PRPF4: variants seen among roughly 807,000 people sequenced by gnomAD.
PRPF4 encodes pre-mRNA splicing tri-snRNP complex factor PRPF4.
A neutral mutation model predicts 72.2 loss-of-function variants in PRPF4; 14 were observed. The ratio of observed to expected loss-of-function variants is 0.19; its 90% CI spans 0.13 to 0.30. The LOEUF (loss-of-function observed/expected upper bound fraction) is 0.30, where lower values mean the gene tolerates loss of function less well. Ranked by LOEUF, PRPF4 falls within the 10% of genes least tolerant of loss-of-function variation. The pLI is 1.00. For synonymous variants in PRPF4, 225 were observed against 232.2 expected (o/e 0.97, Z 0.28); for missense variants, 478 against 653.9 (o/e 0.73, Z 2.93).
chr9:113,276,907 C>T (rs555819591), intron 2 of PRPF4, among the ~76,000 whole-genome samples, 182 bp downstream of exon 2: 21 of 151,778 alleles, frequency 1.4e-4, no homozygotes, highest in African/African-American at 5.1e-4. Flanking sequence ...CTCCGCCTCC[C>T]GGGTTCAAGC....
At position 113,286,868 on chromosome 9, in the gene PRPF4, A is replaced by G. The variant is rs754333190; in HGVS notation, c.932+40A>G. 9 of 1,612,736 alleles carry G rather than the reference A, an allele frequency of 5.6e-6. No homozygotes were observed. The South Asian group carries it at 9.9e-5, about 18-fold the overall frequency. ...TCTGTGGCCCATACTGCCATCACTAAAGTAGATGTTTGATTGGTTGGTCCC... is the reference window on the plus strand; with the variant it reads ...TCTGTGGCCCATACTGCCATCACTAGAGTAGATGTTTGATTGGTTGGTCCC... On this transcript the variant is annotated intron_variant, in intron 9 of 13. Coordinates refer to ENST00000374198, the MANE Select transcript of PRPF4 (RefSeq NM_001244926.2).
chr9:113,283,043 C>G, intron 4 of PRPF4, 89 bp from the exon 5 acceptor site: 5 of 1,590,364 alleles, frequency 3.1e-6, no homozygotes, highest in Non-Finnish European at 4.3e-6. Flanking sequence ...ATTCACCTTC[C>G]TTCTGGGCAG....
chr9:113,288,889 T>C (rs1437626950), intron 10 of PRPF4, among the ~76,000 whole-genome samples: 1 of 152,238 alleles, frequency 6.6e-6, no homozygotes, highest in Non-Finnish European at 1.5e-5. Context: ...AGAGAACTTT[T>C]CCATTAAGTT....
At chr9:113,282,933 G>A (rs1832325274) in intron 4 of PRPF4, 199 bp from the exon 5 acceptor site, 1 of 1,147,318 alleles carries the variant, frequency 8.7e-7, no homozygotes, top group Non-Finnish European at 1.2e-6. Flanking sequence ...TTCCAGTCAG[G>A]AAAGAATCAT....
chr9:113,276,885 G>T (rs1215360523), intron 2 of PRPF4, among the ~76,000 whole-genome samples, 160 bp downstream of exon 2: 1 of 151,862 alleles, frequency 6.6e-6, no homozygotes, highest in Non-Finnish European at 1.5e-5. Context: ...TGCGATCTTG[G>T]CTCACTGCAA....
At position 113,291,606 on chromosome 9, in the gene PRPF4, G is replaced by T; in HGVS notation, c.1512G>T (p.Gln504His). The T allele has an allele frequency of 6.2e-7, 1 of 1,614,202 alleles. No homozygotes were observed. Among genetic ancestry groups the T allele is most frequent in the Non-Finnish European group, 8.5e-7 (1 of 1,180,046 alleles). Residue 504 changes from glutamine to histidine, a missense_variant, in exon 14 of 14, where the codon CAG (glutamine) becomes CAT (histidine). Transcript: ENST00000374198. ...VMGLDISSDG[Q>H]LIATCSYDRT... The stretch of plus-strand genomic sequence containing the variant: ...GCCTAGATATTTCTTCCGATGGGCA[G>T]CTCATAGCCACTTGCTCATATGACA...
chr9:113,280,718 TC>T (rs1443965473), intron 3 of PRPF4, among the ~76,000 whole-genome samples: 1 of 152,220 alleles, frequency 6.6e-6, no homozygotes, highest in African/African-American at 2.4e-5. Context: ...TACTCATGTC[TC>T]CCTTCCCCAA....
chr9:113,278,483 C>T (rs148321792), intron 2 of PRPF4, among the ~76,000 whole-genome samples: 1 of 152,158 alleles, frequency 6.6e-6, no homozygotes, highest in Non-Finnish European at 1.5e-5. Context: ...TCCAGAAATC[C>T]TTATAGTTGT....
chr9:113,291,092 T>C, intron 13 of PRPF4, 76 bp downstream of exon 13: 1 of 1,426,284 alleles, frequency 7.0e-7, no homozygotes, highest in Non-Finnish European at 9.9e-7. Flanking sequence ...CAGGCCAGGC[T>C]TTAGCTTAAC....
chr9:113,286,173 A>G lies in PRPF4; in HGVS notation c.750-59A>G, dbSNP rs915206537. On this transcript the variant is annotated intron_variant, in intron 7 of 13. Coordinates refer to ENST00000374198, the MANE Select transcript of PRPF4 (RefSeq NM_001244926.2). The stretch of plus-strand genomic sequence containing the variant: ...AGATTGTCCTTTAGTAATATTACCA[A>G]GGTACCTTTTCCTTCCCAGACCAAC... 58 of 1,569,896 alleles carry G rather than the reference A, an allele frequency of 3.7e-5. No individual in the cohort carries two copies. The Middle Eastern group carries it at 5.0e-4, about 14-fold the overall frequency.
At chr9:113,286,385 G>A in intron 8 of PRPF4, 95 bp downstream of exon 8, 1 of 1,166,634 alleles carries the variant, frequency 8.6e-7, no homozygotes, top group Non-Finnish European at 1.3e-6. Context: ...CATACACACA[G>A]CATTAATCCT....
chr9:113,283,598 T>A, intron 6 of PRPF4, 116 bp downstream of exon 6: 2 of 977,074 alleles, frequency 2.0e-6, no homozygotes, highest in Non-Finnish European at 3.0e-6. Flanking sequence ...CCTCCCTGCT[T>A]AAGTTGAGCT....
intron 10 of PRPF4, among the ~76,000 whole-genome samples, chr9:113,288,679 T>C (rs1832523269): frequency 6.6e-6 from 1 of 152,072 alleles, no homozygotes; most frequent in Non-Finnish European, 1.5e-5. Context: ...TCAGGTGATC[T>C]TCCCGCCTCA....
chr9:113,290,505 A>G lies in PRPF4; in HGVS notation c.1062A>G (p.Gln354=). ...GGCGCTTATGGGATTTGGAGGCTCA[A>G]GAGGAGATCCTGCATCAGGAAGGCC... The part of the protein sequence containing the change: ...RSWRLWDLEA[Q]EEILHQEGHS... Residue 354 remains glutamine, a synonymous_variant, in exon 11 of 14, where the codon CAA becomes CAG. Transcript: ENST00000374198. 1 of 1,614,236 alleles carries G rather than the reference A, an allele frequency of 6.2e-7. No individual in the cohort carries two copies. Among genetic ancestry groups the G allele is most frequent in the East Asian group, 2.2e-5 (1 of 44,888 alleles).
intron 7 of PRPF4, among the ~76,000 whole-genome samples, chr9:113,285,667 A>T (rs140437557): frequency 3.3e-5 from 5 of 151,580 alleles, no homozygotes; most frequent in Admixed American, 6.6e-5. Context: ...TGTGAGCCAC[A>T]GCGCCTGGCC....
chr9:113,276,496 G>A, intron 1 of PRPF4, 52 bp from the exon 2 acceptor site: 1 of 1,597,530 alleles, frequency 6.3e-7, no homozygotes, highest in Non-Finnish European at 8.6e-7. Flanking sequence ...GGTGAAGTCC[G>A]GTAAATTGCC....
At chr9:113,285,675 G>A (rs946909438) in intron 7 of PRPF4, among the ~76,000 whole-genome samples, 3 of 151,606 alleles carry the variant, frequency 2.0e-5, no homozygotes, top group Non-Finnish European at 2.9e-5. Flanking sequence ...ACAGCGCCTG[G>A]CCCAAAAAAT....
At chr9:113,284,659 G>T (rs1204956716) in intron 7 of PRPF4, among the ~76,000 whole-genome samples, 1 of 152,168 alleles carries the variant, frequency 6.6e-6, no homozygotes, top group Non-Finnish European at 1.5e-5. Context: ...AACAGGTCCT[G>T]TAGTGAGTTT....
Position 113,283,129 on chromosome 9 carries a change from C to T in PRPF4, c.481-3C>T, listed in dbSNP as rs1306464492. On this transcript the variant is annotated splice_region_variant and splice_polypyrimidine_tract_variant and intron_variant, in intron 4 of 13. Coordinates refer to ENST00000374198, the MANE Select transcript of PRPF4 (RefSeq NM_001244926.2). Reference sequence around the variant, plus strand: ...ACCTTTCTGCTCTTAATTTGCCTTTCAGTATCAGCAAACCTGGTATCATGA... The same window carrying T: ...ACCTTTCTGCTCTTAATTTGCCTTTTAGTATCAGCAAACCTGGTATCATGA... The T allele has an allele frequency of 6.2e-7, 1 of 1,614,160 alleles. No individual in the cohort carries two copies. The highest frequency in any genetic ancestry group is 8.5e-7 in the Non-Finnish European group (1 of 1,180,024).
Sources: allele counts gnomAD v4.1 joint callset (sites outside exome capture counted in the v4.1 genomes callset), GRCh38; gene constraint gnomAD v4.1.1; transcripts MANE v1.5; gene names NCBI Gene and HGNC (gene_info 2026-07-23, HGNC 2026-07-21).